Variants in RANBP2 observed in about 807,000 individuals in gnomAD.
The protein encoded by RANBP2 is RAN binding protein 2.
In RANBP2, 57 loss-of-function variants were observed where a neutral mutation model predicts 303.6. The observed-to-expected ratio is 0.19, with a 90% CI of 0.15 to 0.23. The LOEUF is 0.23. Among genes scored for constraint, RANBP2 ranks in the 10% least tolerant of loss-of-function variants. RANBP2 has a pLI of 1.00. For missense variants in RANBP2, 3,138 were observed against 3,780.8 expected (o/e 0.83, Z 4.46); for synonymous variants, 1,167 against 1,301.5 (o/e 0.90, Z 2.23).
At chr2:109,123,488 C>T in the RANBP2 span, among the ~76,000 whole-genome samples, 1 of 152,058 alleles carries the variant, frequency 6.6e-6, no homozygotes, top group Non-Finnish European at 1.5e-5. Flanking sequence ...CTGGGTCTTC[C>T]TGCTGCCTAT....
chr2:108,993,755 T>A, the RANBP2 span, among the ~76,000 whole-genome samples: 3 of 152,182 alleles, frequency 2.0e-5, no homozygotes, highest in Non-Finnish European at 2.9e-5. Flanking sequence ...ACTGACCCCC[T>A]GCTACTGATT....
chr2:109,139,641 T>C, the RANBP2 span, among the ~76,000 whole-genome samples: 3 of 152,222 alleles, frequency 2.0e-5, no homozygotes, highest in Admixed American at 2.0e-4. Flanking sequence ...TTGACTTGTG[T>C]ACAGTAACAA....
At chr2:108,837,456 G>A in the RANBP2 span, among the ~76,000 whole-genome samples, 1 of 152,086 alleles carries the variant, frequency 6.6e-6, no homozygotes, top group East Asian at 1.9e-4. Context: ...GACAATGGTA[G>A]ACCGTATATA....
the RANBP2 span, among the ~76,000 whole-genome samples, chr2:109,704,157 C>G: frequency 6.6e-6 from 1 of 152,170 alleles, no homozygotes; most frequent in Non-Finnish European, 1.5e-5. Flanking sequence ...TGAGAAACCC[C>G]TTTTTAGTGA....
chr2:109,273,335 G>T, the RANBP2 span, among the ~76,000 whole-genome samples: 1 of 152,346 alleles, frequency 6.6e-6, no homozygotes, highest in Non-Finnish European at 1.5e-5. Context: ...TCTGGAAGGA[G>T]TGCTTCCCTT....
chr2:109,342,381 G>C, the RANBP2 span, among the ~76,000 whole-genome samples: 1 of 152,214 alleles, frequency 6.6e-6, no homozygotes, highest in East Asian at 1.9e-4. Flanking sequence ...TATATGGAGC[G>C]TATGATCTGT....
chr2:109,627,026 G>T, the RANBP2 span, among the ~76,000 whole-genome samples: 3 of 152,060 alleles, frequency 2.0e-5, no homozygotes, highest in Admixed American at 2.0e-4. Flanking sequence ...AACAGGGCTG[G>T]GTGTAGTGGC....
chr2:108,912,631 G>A, the RANBP2 span: 116 of 1,508,434 alleles, frequency 7.7e-5, no homozygotes, highest in Non-Finnish European at 9.6e-5. Flanking sequence ...GCTTTCATCC[G>A]AGTACCACCT....
chr2:109,720,367 T>C, the RANBP2 span, among the ~76,000 whole-genome samples: 4 of 151,976 alleles, frequency 2.6e-5, no homozygotes, highest in African/African-American at 9.7e-5. Flanking sequence ...TTGCAACCTA[T>C]CAGTGGTTCT....
intron 17 of RANBP2, among the ~76,000 whole-genome samples, chr2:108,756,070 T>C (rs1676295275): frequency 6.6e-6 from 1 of 152,200 alleles, no homozygotes; most frequent in African/African-American, 2.4e-5. Flanking sequence ...CTCTTCATCT[T>C]CCACAAAATT....
the RANBP2 span, among the ~76,000 whole-genome samples, chr2:109,629,371 T>C: frequency 9.6e-6 from 1 of 104,224 alleles, no homozygotes; most frequent in Non-Finnish European, 1.9e-5. Flanking sequence ...TTTTTTTTTT[T>C]CATTTTCCTG....
the RANBP2 span, among the ~76,000 whole-genome samples, chr2:109,423,076 G>A: frequency 5.3e-5 from 8 of 152,316 alleles, no homozygotes; most frequent in Middle Eastern, 3.4e-3. Flanking sequence ...CACAGTCGAT[G>A]GGTGCAGTTC....
the RANBP2 span, among the ~76,000 whole-genome samples, chr2:108,872,116 T>G: frequency 6.6e-6 from 1 of 152,230 alleles, no homozygotes; most frequent in Non-Finnish European, 1.5e-5. Context: ...TAATCTCTTT[T>G]GCTTTTGTTC....
At chr2:109,419,569 A>G in the RANBP2 span, 1 of 1,598,760 alleles carries the variant, frequency 6.3e-7, no homozygotes, top group South Asian at 1.1e-5. Flanking sequence ...ATCTACCCCC[A>G]CGGCTGTCCC....
the RANBP2 span, among the ~76,000 whole-genome samples, chr2:109,313,216 G>T: frequency 6.6e-6 from 1 of 152,208 alleles, no homozygotes; most frequent in Non-Finnish European, 1.5e-5. Flanking sequence ...GTCTATGCCA[G>T]CATCCTTGAC....
the RANBP2 span, among the ~76,000 whole-genome samples, chr2:109,012,862 A>T: frequency 6.6e-6 from 1 of 152,154 alleles, no homozygotes; most frequent in Non-Finnish European, 1.5e-5. Context: ...TGCAGTGAGC[A>T]GAGACCAGGC....
chr2:108,766,193 C>G lies in RANBP2; in HGVS notation c.5654C>G (p.Thr1885Ser), dbSNP rs780667574. 7 of 1,612,128 alleles carry G rather than the reference C, an allele frequency of 4.3e-6. No homozygotes were observed. In the South Asian group the frequency reaches 7.7e-5, roughly 18 times the overall value. ...TCTTCTAATACAGAATTTAAGTCAACCAAAGAAGGATTTTCCATCCCTGTG... is the reference window on the plus strand; with the variant it reads ...TCTTCTAATACAGAATTTAAGTCAAGCAAAGAAGGATTTTCCATCCCTGTG... ...QGSSNTEFKS[T>S]KEGFSIPVSA... The change falls in exon 20 of 29, where the codon ACC becomes AGC. Residue 1885 changes from threonine (T) to serine (S), a missense_variant. By Grantham distance (58) the Thr-to-Ser change is moderately conservative (BLOSUM62 1). Around this residue, in one of 20 missense-constraint regions of RANBP2, gnomAD observed 348 missense variants for 360.4 expected, o/e 0.97. Coordinates refer to ENST00000283195, the MANE Select transcript of RANBP2 (RefSeq NM_006267.5).
At chr2:109,598,616 G>GT in the RANBP2 span, among the ~76,000 whole-genome samples, 3 of 151,948 alleles carry the variant, frequency 2.0e-5, no homozygotes, top group Non-Finnish European at 2.9e-5. Context: ...GCTGAGGCAG[G>GT]TAGATCACTT....
chr2:109,160,960 G>A, the RANBP2 span, among the ~76,000 whole-genome samples: 9 of 152,286 alleles, frequency 5.9e-5, no homozygotes, highest in African/African-American at 9.6e-5. Context: ...AGAGGAGGGC[G>A]TGGCAGGGGC....
Sources: allele counts gnomAD v4.1 joint callset (sites outside exome capture counted in the v4.1 genomes callset), GRCh38; gene constraint gnomAD v4.1.1; regional missense constraint gnomAD v4.1.1; transcripts MANE v1.5; gene names NCBI Gene and HGNC (gene_info 2026-07-23, HGNC 2026-07-21).